The following COL19A1 variants were observed in gnomAD, a reference collection of about 807,000 sequenced individuals.
COL19A1 encodes collagen alpha-1(XIX) chain.
A neutral mutation model predicts 190.2 loss-of-function variants in COL19A1; 159 were observed. The observed-to-expected ratio is 0.84, with a 90% confidence interval of 0.73 to 0.95. The LOEUF is 0.95. COL19A1 is among the 40% of genes least tolerant of loss of function. The probability of loss-of-function intolerance (pLI) is 0.00; values close to 1 mark genes in which losing one functional copy is unlikely to be tolerated. For synonymous variants in COL19A1, 509 were observed against 458.9 expected, an observed-to-expected ratio of 1.11 and a Z score of -1.39; for missense variants, 1,418 against 1,431.9, an observed-to-expected ratio of 0.99 and a Z score of 0.16.
At chr6:70,121,784 C>T in intron 16 of COL19A1, 96 bp from the exon 17 acceptor site, 1 of 769,954 alleles carries the variant, frequency 1.3e-6, no homozygotes, top group Non-Finnish European at 2.1e-6. Context: ...CCTTTTTCTT[C>T]ACTATATGAT....
intron 4 of COL19A1, among the ~76,000 whole-genome samples, chr6:69,926,661 A>G (rs775462570): frequency 1.3e-5 from 2 of 152,248 alleles, no homozygotes; most frequent in Middle Eastern, 3.4e-3. Flanking sequence ...AGCATGCATA[A>G]TAGGAATTCT....
chr6:69,915,631 A>G (rs1488580595), intron 4 of COL19A1, among the ~76,000 whole-genome samples: 1 of 152,218 alleles, frequency 6.6e-6, no homozygotes, highest in Admixed American at 6.5e-5. Flanking sequence ...ACTGTGTGCC[A>G]GGAAAACCAT....
intron 15 of COL19A1, among the ~76,000 whole-genome samples, chr6:70,088,400 A>G (rs1782709823): frequency 6.6e-6 from 1 of 151,802 alleles, no homozygotes; most frequent in African/African-American, 2.4e-5. Context: ...TACAATGCAC[A>G]TTTTTTTTCT....
At chr6:70,057,894 C>T (rs1236136145) in intron 14 of COL19A1, among the ~76,000 whole-genome samples, 1 of 152,058 alleles carries the variant, frequency 6.6e-6, no homozygotes, top group Non-Finnish European at 1.5e-5. Flanking sequence ...AGCAGTCATT[C>T]ATCCATTCGA....
chr6:69,905,314 A>G (rs966718882), intron 4 of COL19A1, among the ~76,000 whole-genome samples: 3 of 152,280 alleles, frequency 2.0e-5, no homozygotes, highest in South Asian at 2.1e-4. Flanking sequence ...AGCTCTCTCA[A>G]CAGCAGCTTA....
intron 11 of COL19A1, among the ~76,000 whole-genome samples, chr6:69,989,894 T>A (rs1371973351): frequency 6.6e-6 from 1 of 152,100 alleles, no homozygotes; most frequent in Non-Finnish European, 1.5e-5. Flanking sequence ...TTAAAGCTCT[T>A]AGACTAATGT....
At chr6:69,967,293 G>T (rs1775172079) in intron 11 of COL19A1, among the ~76,000 whole-genome samples, 1 of 152,122 alleles carries the variant, frequency 6.6e-6, no homozygotes, top group East Asian at 1.9e-4. Context: ...TTCCATTTGG[G>T]AAATGAAAGT....
chr6:70,023,741 A>G, intron 12 of COL19A1, 61 bp downstream of exon 12: 1 of 1,474,094 alleles, frequency 6.8e-7, no homozygotes, highest in Admixed American at 2.0e-5. Flanking sequence ...TATGCTATTT[A>G]ATGCTATTAA....
chr6:70,133,751 A>G (rs1314035367), intron 18 of COL19A1, among the ~76,000 whole-genome samples: 2 of 152,210 alleles, frequency 1.3e-5, no homozygotes, highest in East Asian at 1.9e-4. Context: ...TCATCTCTAC[A>G]GTGATAAATC....
intron 9 of COL19A1, among the ~76,000 whole-genome samples, chr6:69,946,367 A>T (rs1284185128): frequency 6.6e-6 from 1 of 152,074 alleles, no homozygotes; most frequent in Non-Finnish European, 1.5e-5. Flanking sequence ...CAGAATGGGC[A>T]TATGAGTAAT....
chr6:69,978,547 G>A (rs555730327), intron 11 of COL19A1, among the ~76,000 whole-genome samples: 1 of 151,596 alleles, frequency 6.6e-6, no homozygotes, highest in East Asian at 1.9e-4. Flanking sequence ...CAATGCACAA[G>A]AAAAATACTT....
At chr6:70,187,952 A>G (rs1766629270) in intron 46 of COL19A1, 123 bp from the exon 47 acceptor site, 1 of 1,111,308 alleles carries the variant, frequency 9.0e-7, no homozygotes, top group African/African-American at 1.6e-5. Context: ...GGACACAGAG[A>G]GTTTAAGTTA....
intron 12 of COL19A1, among the ~76,000 whole-genome samples, chr6:70,032,720 A>T (rs932473624): frequency 2.6e-5 from 4 of 152,164 alleles, no homozygotes; most frequent in East Asian, 1.9e-4. Flanking sequence ...ACATTTCAAG[A>T]GTTCGAAAGC....
chr6:70,162,530 G>A lies in COL19A1; in HGVS notation c.2346+577G>A, dbSNP rs1787873801. On this transcript the variant is annotated intron_variant, in intron 35 of 50. Transcript: ENST00000620364. The stretch of plus-strand genomic sequence containing the variant: ...CTCATTCAAACAGTTTAATTCTAGA[G>A]TCATCAGATAAAATATAGTGCATGC... Among the ~76,000 whole-genome samples the A allele has an allele frequency of 3.9e-5, 6 of 152,174 alleles. No individual in the cohort carries two copies. The South Asian group carries it at 1.2e-3, about 32-fold the overall frequency.
rs371520950 is a variant in COL19A1, at chr6:69,962,924, G to T, written c.1026+54G>T. ...GTAAAAAGAAATTGTTCTTGAAAAT[G>T]TTTTGAAATAAAATATTTAACTTGT... On this transcript the variant is annotated intron_variant, in intron 11 of 50. Coordinates refer to ENST00000620364, the MANE Select transcript of COL19A1 (RefSeq NM_001858.6). The T allele has an allele frequency of 1.9e-4, 273 of 1,420,732 alleles. 6 individuals carry two copies. The South Asian group carries it at 3.3e-3, about 17-fold the overall frequency. The allele number at this position is 1,420,732 out of a possible 1,614,324, so 88.0% of individuals were successfully genotyped here.
At chr6:69,986,072 CTCTT>C (rs920847033) in intron 11 of COL19A1, among the ~76,000 whole-genome samples, 5 of 151,832 alleles carry the variant, frequency 3.3e-5, no homozygotes, top group Non-Finnish European at 7.4e-5. Context: ...AAATAAAGAA[CTCTT>C]TCTTTTTCAG....
intron 11 of COL19A1, among the ~76,000 whole-genome samples, chr6:69,985,829 CA>C (rs1475534074): frequency 3.3e-5 from 5 of 152,014 alleles, no homozygotes; most frequent in African/African-American, 1.2e-4. Flanking sequence ...TAATATATAT[CA>C]GGGGACATCT....
intron 15 of COL19A1, chr6:70,098,797 C>T (rs528933256): frequency 4.9e-5 from 9 of 182,112 alleles, no homozygotes; most frequent in South Asian, 1.2e-4. Context: ...GGAGACAGTG[C>T]GGCTGTATTC....
chr6:69,971,416 C>T (rs1053424702), intron 11 of COL19A1, among the ~76,000 whole-genome samples: 8 of 151,874 alleles, frequency 5.3e-5, no homozygotes, highest in Non-Finnish European at 1.0e-4. Context: ...TACAGGTGAC[C>T]GATAAAGAGG....
Sources: gnomAD v4.1 joint callset for allele counts (sites outside exome capture counted in the v4.1 genomes callset) on GRCh38, gnomAD v4.1.1 for gene constraint, MANE v1.5 for transcripts, NCBI Gene and HGNC (gene_info 2026-07-23, HGNC 2026-07-21) for gene names.